MYT1L: variants seen among roughly 807,000 people sequenced by gnomAD.
The protein encoded by MYT1L is myelin transcription factor 1-like protein.
A neutral mutation model predicts 126.7 loss-of-function variants in MYT1L; 12 were observed. That is an observed-to-expected ratio of 0.09 (90% CI 0.06 to 0.15). The LOEUF is 0.15. Among genes scored for constraint, MYT1L ranks in the 10% least tolerant of loss-of-function variants. MYT1L has a pLI of 1.00. For missense variants in MYT1L, 979 were observed against 1,585.2 expected (o/e 0.62, Z 6.49); for synonymous variants, 541 against 604.2 (o/e 0.90, Z 1.53).
In MYT1L at chr2:1,903,210, C is replaced by T. The variant is rs376750336; in HGVS notation, c.1902G>A (p.Leu634=). 5.0e-6 allele frequency: 8 copies of T among 1,613,806 alleles called. No individual in the cohort carries two copies. Among genetic ancestry groups the T allele is most frequent in the South Asian group, 4.4e-5 (4 of 91,072 alleles). The part of the protein sequence containing the change: ...NVPTTTPRSN[L]AKELEKYSKT... ...TGGAATATTTCTCGAGCTCCTTGGCCAGGTTGGAACGCGGCGTAGTTGTGG... is the reference window on the plus strand; with the variant it reads ...TGGAATATTTCTCGAGCTCCTTGGCTAGGTTGGAACGCGGCGTAGTTGTGG... The change falls in exon 14 of 25, where the codon CTG becomes CTA. Residue 634 remains leucine, a synonymous_variant. Coordinates refer to ENST00000647738, the MANE Select transcript of MYT1L (RefSeq NM_001303052.2).
At chr2:2,175,218 A>T (rs1572142791) in intron 2 of MYT1L, among the ~76,000 whole-genome samples, 1 of 152,192 alleles carries the variant, frequency 6.6e-6, no homozygotes, top group Middle Eastern at 3.4e-3. Context: ...GGCGGTGCCC[A>T]CCACCCCTGT....
At position 1,922,573 on chromosome 2, in the gene MYT1L, C is replaced by T. The variant is rs1558408829; in HGVS notation, c.1196G>A (p.Cys399Tyr). 4 of 1,614,056 alleles carry T rather than the reference C, an allele frequency of 2.5e-6. No individual in the cohort carries two copies. The highest frequency in any genetic ancestry group is 1.7e-5 in the Admixed American group (1 of 60,034). Residue 399 changes from cysteine (C) to tyrosine (Y), a missense_variant, in exon 10 of 25, where the codon TGT becomes TAT. Cys to Tyr is a radical substitution (Grantham distance 194). Around this residue, in one of 12 missense-constraint regions of MYT1L, gnomAD observed 243 missense variants for 363.9 expected, o/e 0.67. Transcript: ENST00000647738. The surrounding 1 kb of genome is among the most constrained non-coding windows in gnomAD (Gnocchi z 7.4). ...LSPRSRVFAS[C>Y]AKEDGCHERD... The stretch of plus-strand genomic sequence containing the variant: ...CTCATGACACCCATCCTCCTTCGCA[C>T]AGCTGGCAAACACTCTCGACCGGGG...
chr2:2,030,398 A>G (rs2066106751), intron 4 of MYT1L, among the ~76,000 whole-genome samples: 2 of 152,178 alleles, frequency 1.3e-5, no homozygotes, highest in Non-Finnish European at 2.9e-5. Flanking sequence ...ATATAAGTGA[A>G]GTTTTAAATT....
At position 1,943,105 on chromosome 2, in the gene MYT1L, C is replaced by A. The variant is rs1234190034; in HGVS notation, c.382G>T (p.Asp128Tyr). The A allele has an allele frequency of 6.8e-7, 1 of 1,477,498 alleles. No homozygotes were observed. Among genetic ancestry groups the A allele is most frequent in the Admixed American group, 2.0e-5 (1 of 50,744 alleles). 91.5% of individuals were successfully genotyped at this position (1,477,498 alleles called of 1,614,324 possible). A position where few individuals can be genotyped will look rare whatever the true frequency, so the allele number is the denominator to read the frequency against. The change falls in exon 9 of 25, where the codon GAC becomes TAC. Residue 128 changes from aspartate to tyrosine, a missense_variant. Around this residue, in one of 12 missense-constraint regions of MYT1L, gnomAD observed 111 missense variants for 115.9 expected, o/e 0.96. Coordinates refer to ENST00000647738, the MANE Select transcript of MYT1L (RefSeq NM_001303052.2). This position sits in a 1 kb window ranked among gnomAD's most constrained non-coding sequence, Gnocchi z 4.4. ...GDEDEEDEEG[D>Y]REEEEEIEEE... Reference sequence around the variant, plus strand: ...TCGATCTCCTCCTCCTCCTCCCGGTCCCCCTCCTCGTCCTCCTCGTCCTCA... The same window carrying A: ...TCGATCTCCTCCTCCTCCTCCCGGTACCCCTCCTCGTCCTCCTCGTCCTCA...
chr2:1,974,751 C>T (rs1421577100), intron 8 of MYT1L: 2 of 152,162 alleles, frequency 1.3e-5, no homozygotes, highest in Non-Finnish European at 2.9e-5. Flanking sequence ...CTCACTGGTT[C>T]CTTGGTAGCC....
At chr2:2,145,836 A>G (rs2084800253) in intron 3 of MYT1L, among the ~76,000 whole-genome samples, 1 of 152,252 alleles carries the variant, frequency 6.6e-6, no homozygotes, top group Non-Finnish European at 1.5e-5. Context: ...ACTGAAAGCA[A>G]TTTAGAAAAG....
At chr2:2,319,579 T>A (rs2096125509) in intron 1 of MYT1L, among the ~76,000 whole-genome samples, 1 of 152,140 alleles carries the variant, frequency 6.6e-6, no homozygotes, top group African/African-American at 2.4e-5. Flanking sequence ...GCCATGCTGT[T>A]GAGTACTGAG....
chr2:2,309,171 C>A (rs770907935), intron 1 of MYT1L, among the ~76,000 whole-genome samples: 31 of 151,694 alleles, frequency 2.0e-4, no homozygotes, highest in Admixed American at 1.4e-3. Flanking sequence ...ATACTCTATC[C>A]ATACTCCACC....
intron 11 of MYT1L, among the ~76,000 whole-genome samples, chr2:1,916,502 T>C (rs2052851594): frequency 6.6e-6 from 1 of 152,232 alleles, no homozygotes; most frequent in Non-Finnish European, 1.5e-5. Context: ...GTATTTAATT[T>C]ATTGGCATAC....
At chr2:2,017,571 C>T (rs979286632) in intron 4 of MYT1L, among the ~76,000 whole-genome samples, 2 of 152,204 alleles carry the variant, frequency 1.3e-5, no homozygotes, top group African/African-American at 4.8e-5. Flanking sequence ...AGCCAGGGTC[C>T]AATAGACACA....
chr2:2,285,815 G>T (rs1439158992), intron 1 of MYT1L, among the ~76,000 whole-genome samples: 1 of 152,122 alleles, frequency 6.6e-6, no homozygotes, highest in Admixed American at 6.5e-5. Context: ...CTGTACATTG[G>T]CTCAAGATGC....
In MYT1L at chr2:1,892,291, G is replaced by C; in HGVS notation, c.2033-4C>G. The C allele has an allele frequency of 1.3e-6, 2 of 1,547,580 alleles. No individual in the cohort carries two copies. The highest frequency in any genetic ancestry group is 1.7e-6 in the Non-Finnish European group (2 of 1,145,752). ...GGGTCCTTGCAGTACCGCTTCGCTG[G>C]GGAGACAGGGACAGGGATGACTCAG... On this transcript the variant is annotated splice_polypyrimidine_tract_variant and splice_region_variant and intron_variant, in intron 14 of 24. Transcript: ENST00000647738.
intron 3 of MYT1L, among the ~76,000 whole-genome samples, chr2:2,163,163 A>G (rs1409888312): frequency 6.6e-6 from 1 of 152,166 alleles, no homozygotes; most frequent in Non-Finnish European, 1.5e-5. Flanking sequence ...AGCATTGTTT[A>G]AAGAACGGTT....
intron 2 of MYT1L, among the ~76,000 whole-genome samples, chr2:2,199,406 G>T (rs991198732): frequency 6.6e-6 from 1 of 152,216 alleles, no homozygotes; most frequent in Non-Finnish European, 1.5e-5. Context: ...ATAAGGGATG[G>T]TGTAGACTGC....
At chr2:1,900,472 T>C (rs1263568050) in intron 14 of MYT1L, among the ~76,000 whole-genome samples, 2 of 152,160 alleles carry the variant, frequency 1.3e-5, no homozygotes, top group Non-Finnish European at 2.9e-5. Flanking sequence ...GCTAATTTTT[T>C]GTATTTTTAG....
At chr2:1,835,287 A>T (rs576677725) in intron 21 of MYT1L, among the ~76,000 whole-genome samples, 1 of 152,370 alleles carries the variant, frequency 6.6e-6, no homozygotes, top group Non-Finnish European at 1.5e-5. Context: ...CACTCAGAAC[A>T]CTTACATCAG....
At chr2:1,897,376 C>A (rs1387191636) in intron 14 of MYT1L, among the ~76,000 whole-genome samples, 1 of 152,174 alleles carries the variant, frequency 6.6e-6, no homozygotes, top group Non-Finnish European at 1.5e-5. Context: ...TCTTCCAGCA[C>A]AGAGGATGCT....
At chr2:2,222,566 A>C (rs567586184) in intron 2 of MYT1L, among the ~76,000 whole-genome samples, 2 of 151,868 alleles carry the variant, frequency 1.3e-5, no homozygotes, top group Non-Finnish European at 2.9e-5. Flanking sequence ...CATATATAGG[A>C]GTTAAGTGTT....
Position 1,811,118 on chromosome 2 carries a change from A to G in MYT1L, c.3081-1951T>C, listed in dbSNP as rs1372119091. ...CCAACCAGAGAGCAGCAGTTGCCAGATGCCGAATCTGCTGGTGCCTCGGTC... is the reference window on the plus strand; with the variant it reads ...CCAACCAGAGAGCAGCAGTTGCCAGGTGCCGAATCTGCTGGTGCCTCGGTC... On this transcript the variant is annotated intron_variant, in intron 21 of 24. Transcript: ENST00000647738. This position sits in a 1 kb window ranked among gnomAD's most constrained non-coding sequence, Gnocchi z 4.4. 3.7e-4 allele frequency: 57 copies of G among 152,158 alleles called. 2 individuals carry two copies. The highest frequency in any genetic ancestry group is 3.6e-3 in the Admixed American group (55 of 15,272). 9.4% of individuals were successfully genotyped at this position (152,158 alleles called of 1,614,324 possible).
Sources: allele counts gnomAD v4.1 joint callset (sites outside exome capture counted in the v4.1 genomes callset), GRCh38; gene constraint gnomAD v4.1.1; regional missense constraint gnomAD v4.1.1; non-coding constraint Gnocchi (gnomAD v3.1); transcripts MANE v1.5; gene names NCBI Gene and HGNC (gene_info 2026-07-23, HGNC 2026-07-21).